The following CNTNAP2 variants were observed in gnomAD, a reference collection of about 807,000 sequenced individuals.
CNTNAP2 encodes contactin-associated protein-like 2.
CNTNAP2 carries 98 observed loss-of-function variants against 155.2 expected under a neutral mutation model. That is an observed-to-expected ratio of 0.63 (90% CI 0.54 to 0.75). The LOEUF is 0.75. Ranked by LOEUF, CNTNAP2 falls within the 30% of genes least tolerant of loss-of-function variation. CNTNAP2 has a pLI of 0.00. For missense variants in CNTNAP2, 1,727 were observed against 1,688.1 expected, an observed-to-expected ratio of 1.02 and a Z score of -0.40; for synonymous variants, 651 against 631.2, an observed-to-expected ratio of 1.03 and a Z score of -0.47.
At chr7:146,218,066 G>A (rs1010519570) in intron 1 of CNTNAP2, among the ~76,000 whole-genome samples, 20 of 152,142 alleles carry the variant, frequency 1.3e-4, no homozygotes, top group Admixed American at 5.2e-4. Flanking sequence ...CTTCCCAGGT[G>A]TGCTATCCTC....
intron 16 of CNTNAP2, among the ~76,000 whole-genome samples, chr7:148,131,879 G>C (rs1398170827): frequency 6.6e-6 from 1 of 151,992 alleles, no homozygotes; most frequent in East Asian, 1.9e-4. Flanking sequence ...AATAAATCAG[G>C]GAGTAGAGCT....
At chr7:146,911,657 G>T (rs1032251846) in intron 3 of CNTNAP2, among the ~76,000 whole-genome samples, 5 of 126,980 alleles carry the variant, frequency 3.9e-5, no homozygotes, top group Non-Finnish European at 6.5e-5. Flanking sequence ...GGACTGTGGT[G>T]GGGTGGGGGG....
At chr7:147,655,674 C>T (rs1305901133) in intron 13 of CNTNAP2, among the ~76,000 whole-genome samples, 1 of 152,162 alleles carries the variant, frequency 6.6e-6, no homozygotes, top group African/African-American at 2.4e-5. Flanking sequence ...GATGTGCTGT[C>T]CTCCAAGCTT....
At chr7:146,860,679 T>C (rs1260423883) in intron 3 of CNTNAP2, among the ~76,000 whole-genome samples, 2 of 152,122 alleles carry the variant, frequency 1.3e-5, no homozygotes, top group African/African-American at 2.4e-5. Flanking sequence ...TGTATTGTCT[T>C]AACCTAAAGA....
intron 3 of CNTNAP2, among the ~76,000 whole-genome samples, chr7:146,905,798 A>G (rs1472558795): frequency 6.6e-6 from 1 of 152,240 alleles, no homozygotes; most frequent in Non-Finnish European, 1.5e-5. Context: ...GGAGGAGCCA[A>G]GATGGCCGAA....
intron 12 of CNTNAP2, among the ~76,000 whole-genome samples, chr7:147,635,782 T>C (rs908158976): frequency 6.6e-6 from 1 of 152,222 alleles, no homozygotes; most frequent in African/African-American, 2.4e-5. Context: ...GACCATTATA[T>C]TGAAAAGACG....
chr7:147,058,250 C>T (rs1271551126), intron 4 of CNTNAP2, among the ~76,000 whole-genome samples: 5 of 151,874 alleles, frequency 3.3e-5, no homozygotes, highest in Non-Finnish European at 5.9e-5. Flanking sequence ...ATAGTTTGGC[C>T]GGGGATTATT....
At chr7:147,354,400 C>G (rs939656029) in intron 9 of CNTNAP2, among the ~76,000 whole-genome samples, 6 of 152,094 alleles carry the variant, frequency 3.9e-5, no homozygotes, top group African/African-American at 1.4e-4. Context: ...GGAATCCTTT[C>G]CCCATTGCTT....
intron 1 of CNTNAP2, among the ~76,000 whole-genome samples, chr7:146,638,472 G>GTTT (rs1554460106): frequency 4.0e-5 from 4 of 100,082 alleles, no homozygotes; most frequent in African/African-American, 7.0e-5. Context: ...ACAGTCAGGT[G>GTTT]TTTCTTTTTT....
chr7:147,480,987 A>T (rs1467479252), intron 10 of CNTNAP2, among the ~76,000 whole-genome samples: 1 of 152,186 alleles, frequency 6.6e-6, no homozygotes, highest in African/African-American at 2.4e-5. Flanking sequence ...TTCGGTTTAT[A>T]CAGAACAGCA....
At chr7:146,367,575 T>C (rs1352044472) in intron 1 of CNTNAP2, among the ~76,000 whole-genome samples, 1 of 152,132 alleles carries the variant, frequency 6.6e-6, no homozygotes, top group Non-Finnish European at 1.5e-5. Flanking sequence ...CTCATCTCTG[T>C]ATAGACTTAA....
intron 1 of CNTNAP2, among the ~76,000 whole-genome samples, chr7:146,304,666 T>G (rs992078574): frequency 2.6e-5 from 4 of 152,180 alleles, no homozygotes; most frequent in Non-Finnish European, 5.9e-5. Flanking sequence ...CTTCCCTTTG[T>G]GGGTAACCTG....
chr7:146,340,207 G>A (rs1312068259), intron 1 of CNTNAP2, among the ~76,000 whole-genome samples: 1 of 146,396 alleles, frequency 6.8e-6, no homozygotes, highest in East Asian at 2.0e-4. Flanking sequence ...ACATAGGGTT[G>A]AAGAGAGAAA....
chr7:146,991,565 A>G (rs1798207535), intron 3 of CNTNAP2, among the ~76,000 whole-genome samples: 1 of 152,194 alleles, frequency 6.6e-6, no homozygotes, highest in South Asian at 2.1e-4. Flanking sequence ...TTTTCATCAA[A>G]TTTTCACTGT....
chr7:148,102,053 G>A (rs928208346), intron 15 of CNTNAP2, among the ~76,000 whole-genome samples: 2 of 152,154 alleles, frequency 1.3e-5, no homozygotes, highest in Non-Finnish European at 2.9e-5. Flanking sequence ...ACGGGGGGTT[G>A]TTGTACAGAT....
In CNTNAP2 at chr7:148,138,001, A is replaced by G. The variant is rs190577826; in HGVS notation, c.2555-9490A>G. On this transcript the variant is annotated intron_variant, in intron 16 of 23. Transcript: ENST00000361727. ...GTCATATCAAGGTGACACTGAAAGG[A>G]TTTGATAGAAAGGAAACAATTTGTG... Among the ~76,000 whole-genome samples, 6 of 152,316 alleles carry G rather than the reference A, an allele frequency of 3.9e-5. No homozygotes were observed. The East Asian group carries it at 1.2e-3, about 29-fold the overall frequency.
intron 13 of CNTNAP2, among the ~76,000 whole-genome samples, chr7:147,867,897 G>C (rs1799261116): frequency 1.3e-5 from 2 of 152,064 alleles, no homozygotes; most frequent in Admixed American, 1.3e-4. Context: ...GTTAGAACAT[G>C]CTCCTTTAGC....
intron 13 of CNTNAP2, among the ~76,000 whole-genome samples, chr7:147,671,212 A>G (rs78654554): frequency 0.04 from 6,135 of 152,278 alleles, 139 homozygotes; most frequent in Middle Eastern, 0.13. Flanking sequence ...TCCTGCAAGG[A>G]GTTGACGGCT....
At chr7:146,225,135 GT>G (rs1344850750) in intron 1 of CNTNAP2, among the ~76,000 whole-genome samples, 1 of 152,078 alleles carries the variant, frequency 6.6e-6, no homozygotes, top group African/African-American at 2.4e-5. Flanking sequence ...TAGCAATGCT[GT>G]TTAAAAGTTA....
Sources: allele counts gnomAD v4.1 joint callset (sites outside exome capture counted in the v4.1 genomes callset), GRCh38; gene constraint gnomAD v4.1.1; transcripts MANE v1.5; gene names NCBI Gene and HGNC (gene_info 2026-07-23, HGNC 2026-07-21).